The following TBC1D22A variants were observed in gnomAD, a reference collection of about 807,000 sequenced individuals.
TBC1D22A encodes TBC1 domain family member 22A, also known as putative GTPase activator.
TBC1D22A carries 38 observed loss-of-function variants against 60.2 expected under a neutral mutation model. That is an observed-to-expected ratio of 0.63 (90% CI 0.49 to 0.83). The LOEUF (loss-of-function observed/expected upper bound fraction) is 0.83, where lower values mean the gene tolerates loss of function less well. Ranked by LOEUF, TBC1D22A falls within the 40% of genes least tolerant of loss-of-function variation. The probability of loss-of-function intolerance (pLI) is 0.00; values close to 1 mark genes in which losing one functional copy is unlikely to be tolerated. For synonymous variants in TBC1D22A, 302 were observed against 281.7 expected, an observed-to-expected ratio of 1.07 and a Z score of -0.72; for missense variants, 628 against 701.0, an observed-to-expected ratio of 0.90 and a Z score of 1.18.
intron 4 of TBC1D22A, among the ~76,000 whole-genome samples, chr22:46,810,317 C>A (rs1021651808): frequency 2.6e-5 from 4 of 152,214 alleles, no homozygotes; most frequent in African/African-American, 9.7e-5. Flanking sequence ...TGTCTCCTTT[C>A]AGAAGTGTTC....
intron 4 of TBC1D22A, among the ~76,000 whole-genome samples, chr22:46,829,271 A>T (rs1374291657): frequency 3.3e-5 from 5 of 152,128 alleles, no homozygotes; most frequent in Non-Finnish European, 7.4e-5. Context: ...GGTGCATCTT[A>T]TTCATCTTCA....
intron 11 of TBC1D22A, among the ~76,000 whole-genome samples, chr22:47,077,896 G>C (rs894881358): frequency 6.6e-6 from 1 of 152,226 alleles, no homozygotes; most frequent in Non-Finnish European, 1.5e-5. Flanking sequence ...GATTTGCACA[G>C]AACTTGGCCC....
chr22:46,805,832 G>A (rs1046212264), intron 4 of TBC1D22A, among the ~76,000 whole-genome samples: 3 of 137,668 alleles, frequency 2.2e-5, no homozygotes, highest in Non-Finnish European at 4.6e-5. Context: ...ATGTCTTTCT[G>A]TCCTTCTTCT....
chr22:46,822,265 C>T (rs908135350), intron 4 of TBC1D22A, among the ~76,000 whole-genome samples: 1 of 152,074 alleles, frequency 6.6e-6, no homozygotes, highest in South Asian at 2.1e-4. Flanking sequence ...ATCTTCTGTC[C>T]AGTTCTGTGC....
chr22:46,969,759 C>A (rs2073972797), intron 8 of TBC1D22A, among the ~76,000 whole-genome samples: 1 of 152,058 alleles, frequency 6.6e-6, no homozygotes, highest in Non-Finnish European at 1.5e-5. Context: ...CTTGGTGTCC[C>A]CAGAGTATAG....
chr22:47,046,030 T>C (rs4482), intron 11 of TBC1D22A, among the ~76,000 whole-genome samples: 107,159 of 152,010 alleles, frequency 0.7, 38,278 homozygotes, highest in East Asian at 0.92. Context: ...GGTTCCCGGC[T>C]GTGGGCCCTG....
chr22:46,835,851 C>T (rs547318255), intron 4 of TBC1D22A, among the ~76,000 whole-genome samples: 40 of 152,142 alleles, frequency 2.6e-4, no homozygotes, highest in Non-Finnish European at 4.1e-4. Context: ...AGCAACTTGT[C>T]ATATACAAGA....
chr22:46,892,820 T>G (rs1327036443), intron 6 of TBC1D22A, among the ~76,000 whole-genome samples: 1 of 152,234 alleles, frequency 6.6e-6, no homozygotes, highest in African/African-American at 2.4e-5. Flanking sequence ...TTTATTTAGT[T>G]ACTGTGATAG....
At chr22:47,126,405 G>A (rs528345643) in intron 12 of TBC1D22A, among the ~76,000 whole-genome samples, 21 of 152,332 alleles carry the variant, frequency 1.4e-4, no homozygotes, top group South Asian at 6.2e-4. Context: ...GGTGGCCCAC[G>A]CTTCCCTCTT....
At chr22:47,144,469 A>G (rs1175121347) in intron 12 of TBC1D22A, among the ~76,000 whole-genome samples, 1 of 152,206 alleles carries the variant, frequency 6.6e-6, no homozygotes, top group Non-Finnish European at 1.5e-5. Flanking sequence ...TTGGGTCGCC[A>G]CGCAAGGCGG....
rs182151320 is a variant in TBC1D22A at position 47,174,396 on chromosome 22, G to A, written c.*770G>A. 2.6e-5 allele frequency: 4 copies of A among 152,400 alleles called. No homozygotes were observed. Among genetic ancestry groups the A allele is most frequent in the East Asian group, 1.9e-4 (1 of 5,176 alleles). The allele number at this position is 152,400 out of a possible 1,614,324, so 9.4% of individuals were successfully genotyped here. A position where few individuals can be genotyped will look rare whatever the true frequency, so the allele number is the denominator to read the frequency against. On this transcript the variant is annotated 3_prime_UTR_variant, in exon 13 of 13. Coordinates refer to ENST00000337137, the MANE Select transcript of TBC1D22A (RefSeq NM_014346.5). ...TGGCCCCGCCACGCAGGTAGGCGCC[G>A]GCCTCAGCCAGAGCCCCTGGAGGCC...
chr22:47,159,591 C>T lies in TBC1D22A; in HGVS notation c.1426-13907C>T, dbSNP rs189371996. On this transcript the variant is annotated intron_variant, in intron 12 of 12. Coordinates refer to ENST00000337137, the MANE Select transcript of TBC1D22A (RefSeq NM_014346.5). ...TACACACACACCACAGTTATGTACA[C>T]GTATCACACCATGTGTACATACACT... Among the ~76,000 whole-genome samples, 18 of 151,892 alleles carry T rather than the reference C, an allele frequency of 1.2e-4. No individual in the cohort carries two copies. The East Asian group carries it at 2.7e-3, about 23-fold the overall frequency.
intron 11 of TBC1D22A, among the ~76,000 whole-genome samples, chr22:47,040,245 G>A (rs143253201): frequency 1.8e-4 from 28 of 152,146 alleles, no homozygotes; most frequent in Middle Eastern, 3.4e-3. Context: ...ACGCCTGGCC[G>A]GTGCCCAGAC....
chr22:47,156,830 G>A (rs987071756), intron 12 of TBC1D22A, among the ~76,000 whole-genome samples: 8 of 152,162 alleles, frequency 5.3e-5, no homozygotes, highest in Admixed American at 1.3e-4. Flanking sequence ...ACTGCTGCCC[G>A]CGCCGACCAC....
intron 12 of TBC1D22A, among the ~76,000 whole-genome samples, chr22:47,166,767 G>A (rs2068224435): frequency 6.6e-6 from 1 of 152,258 alleles, no homozygotes; most frequent in African/African-American, 2.4e-5. Context: ...GTGAACACCT[G>A]CAGTGCCTGT....
intron 4 of TBC1D22A, among the ~76,000 whole-genome samples, chr22:46,845,916 GATA>G (rs953818194): frequency 1.4e-4 from 21 of 152,384 alleles, no homozygotes; most frequent in African/African-American, 5.0e-4. Context: ...CCAGGAGGAG[GATA>G]CGCCTTGCTG....
intron 8 of TBC1D22A, among the ~76,000 whole-genome samples, chr22:46,968,607 A>G (rs2073923719): frequency 1.3e-5 from 2 of 150,110 alleles, no homozygotes; most frequent in South Asian, 2.1e-4. Context: ...GGGCGTCCTC[A>G]CTGCGTGGCC....
chr22:47,027,147 A>G (rs1295762370), intron 10 of TBC1D22A, among the ~76,000 whole-genome samples: 2 of 152,194 alleles, frequency 1.3e-5, no homozygotes, highest in Non-Finnish European at 2.9e-5. Context: ...TACAAAAGAA[A>G]TTCAGTGGCA....
intron 11 of TBC1D22A, among the ~76,000 whole-genome samples, chr22:47,078,040 C>T (rs2064300342): frequency 6.6e-6 from 1 of 152,198 alleles, no homozygotes; most frequent in Non-Finnish European, 1.5e-5. Context: ...ATTTACAGAA[C>T]TTGGTCATAC....
Sources: gnomAD v4.1 joint callset for allele counts (sites outside exome capture counted in the v4.1 genomes callset) on GRCh38, gnomAD v4.1.1 for gene constraint, MANE v1.5 for transcripts, NCBI Gene and HGNC (gene_info 2026-07-23, HGNC 2026-07-21) for gene names.